Variants in SLC19A1 observed in about 807,000 individuals in gnomAD.
SLC19A1 encodes reduced folate transporter.
Under a neutral mutation model 35.3 loss-of-function variants are expected in SLC19A1, and 37 were observed. The observed-to-expected ratio is 1.05, with a 90% CI of 0.81 to 1.38. SLC19A1 has a LOEUF of 1.38. Ranked by LOEUF, SLC19A1 falls within the 40% of genes most tolerant of loss-of-function variation. SLC19A1 has a pLI of 0.00. For synonymous variants in SLC19A1, 460 were observed against 398.5 expected (o/e 1.15, Z -1.84); for missense variants, 831 against 826.9 (o/e 1.00, Z -0.06).
upstream of SLC19A1, chr21:45,543,819 C>G (rs2078379766): frequency 1.3e-5 from 2 of 152,428 alleles, no homozygotes; most frequent in Admixed American, 1.3e-4. Flanking sequence ...GCTCTCTCCC[C>G]TGTACTGGCC....
chr21:45,510,025 G>T, downstream of SLC19A1: 2 of 1,535,382 alleles, frequency 1.3e-6, no homozygotes, highest in East Asian at 2.4e-5. Flanking sequence ...GCAGGGGGCA[G>T]CGTGGGACAC....
At chr21:45,506,086 T>G in intron 3 of SLC19A1, 1 of 1,476,858 alleles carries the variant, frequency 6.8e-7, no homozygotes, top group Non-Finnish European at 9.3e-7. Flanking sequence ...CAGCCAGCGC[T>G]TCTTAAACTT....
At chr21:45,550,923 C>T (rs562051708) in intron 1 of SLC19A1, among the ~76,000 whole-genome samples, 1 of 115,944 alleles carries the variant, frequency 8.6e-6, no homozygotes, top group Non-Finnish European at 1.7e-5. Context: ...ACCCTCCCCC[C>T]GCCTCCCCAC....
chr21:45,550,923 C>CG (rs59158435), intron 1 of SLC19A1, among the ~76,000 whole-genome samples: 21,657 of 115,844 alleles, frequency 0.19, 3,124 homozygotes, highest in East Asian at 0.39. Context: ...ACCCTCCCCC[C>CG]GCCTCCCCAC....
At chr21:45,553,695 C>CA (rs2078494581) in intron 1 of SLC19A1, among the ~76,000 whole-genome samples, 1 of 9,720 alleles carries the variant, frequency 1.0e-4, no homozygotes, top group Non-Finnish European at 1.6e-4. Flanking sequence ...CAGTCCCCCA[C>CA]GCCCCATCCC....
upstream of SLC19A1, chr21:45,544,453 CA>C: frequency 6.3e-6 from 1 of 157,576 alleles, no homozygotes; most frequent in Non-Finnish European, 1.4e-5. Context: ...GGGCTCCACC[CA>C]AAATAGAGAT....
At chr21:45,535,903 C>T (rs111743857) in intron 2 of SLC19A1, 58 of 156,450 alleles carry the variant, frequency 3.7e-4, no homozygotes, top group African/African-American at 1.2e-3. Context: ...ACGTGAACTT[C>T]CTAGACACAA....
chr21:45,554,925 C>G (rs1460417291), intron 1 of SLC19A1, among the ~76,000 whole-genome samples: 1 of 151,794 alleles, frequency 6.6e-6, no homozygotes, highest in African/African-American at 2.4e-5. Flanking sequence ...TCCCCAGAAG[C>G]AGCCCCTTTG....
At chr21:45,505,668 T>C (rs1168868319) in intron 3 of SLC19A1, among the ~76,000 whole-genome samples, 1 of 152,120 alleles carries the variant, frequency 6.6e-6, no homozygotes, top group Non-Finnish European at 1.5e-5. Context: ...GCGCAGGAGC[T>C]GGCGGCAGGC....
chr21:45,549,036 A>T (rs546402887), upstream of SLC19A1, among the ~76,000 whole-genome samples: 39 of 152,334 alleles, frequency 2.6e-4, no homozygotes, highest in South Asian at 8.1e-3. Context: ...ACTCCTAGGC[A>T]TCTGTTGAAG....
intron 5 of SLC19A1, among the ~76,000 whole-genome samples, 163 bp from the exon 6 acceptor site, chr21:45,516,303 G>T (rs1314438531): frequency 8.1e-6 from 1 of 123,678 alleles, no homozygotes; most frequent in Non-Finnish European, 1.8e-5. Flanking sequence ...GTGCCACAGT[G>T]CTCACCACAG....
At chr21:45,546,766 T>C (rs1406250213), upstream of SLC19A1, among the ~76,000 whole-genome samples, 4 of 152,156 alleles carry the variant, frequency 2.6e-5, no homozygotes, top group Non-Finnish European at 5.9e-5. Flanking sequence ...TTCCAGAACT[T>C]GGAGGTGATA....
chr21:45,554,642 A>T (rs2078524177), intron 1 of SLC19A1, among the ~76,000 whole-genome samples: 1 of 145,986 alleles, frequency 6.8e-6, no homozygotes, highest in South Asian at 2.2e-4. Flanking sequence ...CGGCGTGGAA[A>T]CTTCCTTTCA....
At chr21:45,525,993 G>A (rs186709754) in intron 4 of SLC19A1, 35 bp from the exon 5 acceptor site, 3 of 1,604,278 alleles carry the variant, frequency 1.9e-6, no homozygotes, top group African/African-American at 2.7e-5. Flanking sequence ...AGGCGCTGCT[G>A]GGAGAATAAG....
intron 5 of SLC19A1, among the ~76,000 whole-genome samples, chr21:45,520,915 G>A (rs960989728): frequency 2.0e-5 from 3 of 152,090 alleles, no homozygotes; most frequent in Non-Finnish European, 4.4e-5. Context: ...AGCTACTTGG[G>A]AGGCTGAGAC....
intron 1 of SLC19A1, among the ~76,000 whole-genome samples, chr21:45,551,159 CAGG>C (rs554193757): frequency 1.3e-4 from 20 of 151,790 alleles, no homozygotes; most frequent in African/African-American, 4.6e-4. Flanking sequence ...GAGGCTGAGG[CAGG>C]AGAATAGCTT....
In SLC19A1 at chr21:45,504,000, C is replaced by G. The variant is rs776311180; in HGVS notation, c.498-5388G>C. 1.2e-6 allele frequency: 2 copies of G among 1,609,308 alleles called. No individual in the cohort carries two copies. The highest frequency in any genetic ancestry group is 1.7e-6 in the Non-Finnish European group (2 of 1,179,924). On this transcript the variant is annotated intron_variant, in intron 3 of 4. Coordinates refer to the SLC19A1 transcript ENST00000417954. ...CACCTCAGCGAGACCCCGCCTGTCT[C>G]TCTCTTGCAGGGCAGTTTCCGTTTG...
downstream of SLC19A1, chr21:45,512,436 G>A: frequency 6.3e-7 from 1 of 1,590,348 alleles, no homozygotes. Flanking sequence ...AGGACCGGCG[G>A]CTCGGAGGAA....
chr21:45,546,724 G>A (rs1290475602), upstream of SLC19A1, among the ~76,000 whole-genome samples: 1 of 152,250 alleles, frequency 6.6e-6, no homozygotes, highest in Non-Finnish European at 1.5e-5. Flanking sequence ...ACTGCAAGGT[G>A]GAGTTTGAAG....
Sources: allele counts gnomAD v4.1 joint callset (sites outside exome capture counted in the v4.1 genomes callset), GRCh38; gene constraint gnomAD v4.1.1; transcripts MANE v1.5; gene names NCBI Gene and HGNC (gene_info 2026-07-23, HGNC 2026-07-21).